Variants in RUNX1 observed in about 807,000 individuals in gnomAD.
RUNX1 encodes runt-related transcription factor 1.
RUNX1 carries 19 observed loss-of-function variants against 42.8 expected under a neutral mutation model. That is an observed-to-expected ratio of 0.44 (90% CI 0.31 to 0.65). The LOEUF is 0.65. RUNX1 is among the 30% of genes least tolerant of loss of function. The pLI, the probability that RUNX1 is intolerant of heterozygous loss-of-function variation, is 0.07. For missense variants in RUNX1, 528 were observed against 672.0 expected (o/e 0.79, Z 2.37); for synonymous variants, 271 against 289.4 (o/e 0.94, Z 0.64).
intron 2 of RUNX1, among the ~76,000 whole-genome samples, chr21:34,998,894 C>A (rs1438266965): frequency 6.6e-6 from 1 of 152,192 alleles, no homozygotes; most frequent in Non-Finnish European, 1.5e-5. Context: ...TACTAAATAT[C>A]CACCCATGAA....
intron 2 of RUNX1, among the ~76,000 whole-genome samples, chr21:35,017,219 T>C (rs952297350): frequency 1.3e-5 from 2 of 152,256 alleles, no homozygotes; most frequent in Admixed American, 6.5e-5. Flanking sequence ...TTTCCAGAGT[T>C]TGAGATCAGA....
At chr21:34,938,836 G>A (rs1441210542) in intron 2 of RUNX1, among the ~76,000 whole-genome samples, 1 of 152,108 alleles carries the variant, frequency 6.6e-6, no homozygotes, top group Non-Finnish European at 1.5e-5. Flanking sequence ...CCTTCTGATA[G>A]TAACTTTTCA....
intron 4 of RUNX1, among the ~76,000 whole-genome samples, chr21:34,883,420 T>C (rs182780030): frequency 3.2e-4 from 49 of 152,302 alleles, no homozygotes; most frequent in African/African-American, 1.2e-3. Context: ...ACAAGCATAC[T>C]TAAGCCAGGT....
intron 2 of RUNX1, among the ~76,000 whole-genome samples, chr21:34,952,652 T>TA (rs1638961446): frequency 6.6e-6 from 1 of 152,272 alleles, no homozygotes; most frequent in South Asian, 2.1e-4. Context: ...CTCTAGAAGG[T>TA]AAAAAATAAT....
At chr21:34,869,304 A>G (rs2057705704) in intron 5 of RUNX1, among the ~76,000 whole-genome samples, 3 of 152,228 alleles carry the variant, frequency 2.0e-5, no homozygotes, top group Non-Finnish European at 1.5e-5. Context: ...CATAGATGAT[A>G]TAAGTCATAG....
rs570925918 is a variant in RUNX1 at position 34,985,760 on chromosome 21, T to C, written c.58+63082A>G. Among the ~76,000 whole-genome samples, 51 of 152,270 alleles carry C rather than the reference T, an allele frequency of 3.3e-4. No homozygotes were observed. In the South Asian group the frequency reaches 9.3e-3, roughly 28 times the overall value. ...TTTATTATCCTATATTATATTATTA[T>C]AGTCATTTCACTGCCACCAACATTT... On this transcript the variant is annotated intron_variant, in intron 2 of 8. Coordinates refer to ENST00000675419, the MANE Select transcript of RUNX1 (RefSeq NM_001754.5).
intron 2 of RUNX1, among the ~76,000 whole-genome samples, chr21:34,931,239 T>C (rs2058442231): frequency 6.6e-6 from 1 of 151,668 alleles, no homozygotes; most frequent in South Asian, 2.1e-4. Context: ...ATAATATTAT[T>C]ATTTTTCTAA....
chr21:34,991,544 CG>C (rs2058939109), intron 2 of RUNX1, among the ~76,000 whole-genome samples: 2 of 150,990 alleles, frequency 1.3e-5, no homozygotes, highest in African/African-American at 2.4e-5. Flanking sequence ...GCAGGGATTA[CG>C]ATGATGATGA....
At chr21:34,916,484 G>A (rs1177489272) in intron 2 of RUNX1, among the ~76,000 whole-genome samples, 4 of 152,126 alleles carry the variant, frequency 2.6e-5, no homozygotes. Context: ...CTGAGAGTTC[G>A]ATGTAGAATG....
chr21:34,959,631 A>G (rs1209595121), intron 2 of RUNX1, among the ~76,000 whole-genome samples: 2 of 152,216 alleles, frequency 1.3e-5, no homozygotes, highest in African/African-American at 4.8e-5. Context: ...ATATTTAGAA[A>G]AAGTTAAGGA....
intron 2 of RUNX1, among the ~76,000 whole-genome samples, chr21:34,956,309 G>A (rs931382735): frequency 4.6e-5 from 7 of 152,112 alleles, no homozygotes; most frequent in South Asian, 4.1e-4. Context: ...AATAGTTTTG[G>A]TTGGCAGAAT....
At chr21:34,861,249 G>A (rs2057570600) in intron 5 of RUNX1, among the ~76,000 whole-genome samples, 1 of 152,184 alleles carries the variant, frequency 6.6e-6, no homozygotes, top group African/African-American at 2.4e-5. Context: ...CTGAAGGAGA[G>A]GACTGGGTAG....
Position 34,886,937 on chromosome 21 carries a change from G to A in RUNX1, c.257C>T (p.Pro86Leu), listed in dbSNP as rs2057999909. The A allele has an allele frequency of 2.5e-6, 4 of 1,612,972 alleles. No individual in the cohort carries two copies. The Admixed American group carries it at 6.7e-5, about 27-fold the overall frequency. Residue 86 changes from proline (P) to leucine (L), a missense_variant, in exon 4 of 9, where the codon CCG becomes CTG. By Grantham distance (98) the Pro-to-Leu change is moderately conservative (BLOSUM62 -3). Around this residue, in one of 3 missense-constraint regions of RUNX1, gnomAD observed 83 missense variants for 174.5 expected, o/e 0.48. Transcript: ENST00000675419. ...GCTGTCGGTGCGCACCAGCTCGCCC[G>A]GGTGGTCGGCCAGCACCTCCACCAT... ...RSMVEVLADH[P>L]GELVRTDSPN...
chr21:34,957,457 C>G (rs1424371275), intron 2 of RUNX1, among the ~76,000 whole-genome samples: 1 of 152,102 alleles, frequency 6.6e-6, no homozygotes, highest in East Asian at 1.9e-4. Flanking sequence ...GAGGTGGCCC[C>G]CTGAGAGACT....
chr21:35,009,196 G>T (rs1190867165), intron 2 of RUNX1, among the ~76,000 whole-genome samples: 1 of 152,170 alleles, frequency 6.6e-6, no homozygotes, highest in East Asian at 1.9e-4. Context: ...CACAAATGTT[G>T]TTGGTAAAAC....
chr21:34,846,253 G>T (rs1185259370), intron 6 of RUNX1, among the ~76,000 whole-genome samples: 3 of 134,514 alleles, frequency 2.2e-5, no homozygotes, highest in African/African-American at 8.3e-5. Flanking sequence ...TAGTTAGGAA[G>T]ATTTCCCCTA....
intron 6 of RUNX1, 132 bp from the exon 7 acceptor site, chr21:34,834,733 C>T: frequency 1.3e-6 from 1 of 784,546 alleles, no homozygotes; most frequent in Middle Eastern, 3.7e-4. Context: ...CTCACCCCAA[C>T]ATAGACTCGC....
intron 7 of RUNX1, among the ~76,000 whole-genome samples, chr21:34,820,778 G>T (rs1192952199): frequency 2.0e-5 from 3 of 152,154 alleles, no homozygotes; most frequent in Non-Finnish European, 2.9e-5. Context: ...CCAGAAAAAG[G>T]CAGTGTGACG....
In RUNX1 at chr21:34,946,428, T is replaced by A. The variant is rs770466552; in HGVS notation, c.59-53465A>T. ...TATGCCCCTAGAGCTGTGTGGACTC[T>A]CCTCCTTCACACTTCTGCACTTGCC... On this transcript the variant is annotated intron_variant, in intron 2 of 8. Transcript: ENST00000675419. Among the ~76,000 whole-genome samples, 9 of 152,142 alleles carry A rather than the reference T, an allele frequency of 5.9e-5. No individual in the cohort carries two copies. The highest frequency in any genetic ancestry group is 1.3e-4 in the Admixed American group (2 of 15,274).
Sources: allele counts gnomAD v4.1 joint callset (sites outside exome capture counted in the v4.1 genomes callset), GRCh38; gene constraint gnomAD v4.1.1; regional missense constraint gnomAD v4.1.1; transcripts MANE v1.5; gene names NCBI Gene and HGNC (gene_info 2026-07-23, HGNC 2026-07-21).